PTPRG: variants seen among roughly 807,000 people sequenced by gnomAD.
PTPRG encodes receptor-type tyrosine-protein phosphatase gamma.
A neutral mutation model predicts 165.3 loss-of-function variants in PTPRG; 102 were observed. The ratio of observed to expected loss-of-function variants is 0.62; its 90% CI spans 0.53 to 0.73. PTPRG has a LOEUF of 0.73. PTPRG is among the 30% of genes least tolerant of loss of function. PTPRG has a pLI of 0.00. For missense variants in PTPRG, 1,866 were observed against 1,861.4 expected, an observed-to-expected ratio of 1.00 and a Z score of -0.05; for synonymous variants, 675 against 669.5, an observed-to-expected ratio of 1.01 and a Z score of -0.13.
intron 2 of PTPRG, among the ~76,000 whole-genome samples, chr3:61,807,163 G>C (rs756157882): frequency 1.3e-5 from 2 of 152,034 alleles, no homozygotes; most frequent in African/African-American, 4.8e-5. Flanking sequence ...TTTCTGAGAC[G>C]ACTTGTAAAT....
intron 1 of PTPRG, among the ~76,000 whole-genome samples, chr3:61,702,667 C>T (rs2031034264): frequency 6.6e-6 from 1 of 152,220 alleles, no homozygotes; most frequent in Non-Finnish European, 1.5e-5. Context: ...CCAGGCACAT[C>T]TGTCATTTTT....
intron 1 of PTPRG, among the ~76,000 whole-genome samples, chr3:61,659,022 A>C (rs564696430): frequency 6.6e-6 from 1 of 151,416 alleles, no homozygotes; most frequent in African/African-American, 2.4e-5. Flanking sequence ...TAGGAGCATG[A>C]GTTCGGCTGT....
intron 2 of PTPRG, among the ~76,000 whole-genome samples, chr3:61,755,310 A>G (rs71296737): frequency 6.6e-6 from 1 of 152,066 alleles, no homozygotes; most frequent in African/African-American, 2.4e-5. Flanking sequence ...GCCCAGCCCT[A>G]ATAGAGACCT....
intron 10 of PTPRG, 36 bp from the exon 11 acceptor site, chr3:62,201,469 G>A (rs1175283204): frequency 1.3e-6 from 2 of 1,562,264 alleles, no homozygotes; most frequent in Non-Finnish European, 1.7e-6. Flanking sequence ...CACAAAAAAA[G>A]TTATATTGCT....
At chr3:61,923,387 G>T (rs895691479) in intron 2 of PTPRG, among the ~76,000 whole-genome samples, 1 of 152,116 alleles carries the variant, frequency 6.6e-6, no homozygotes, top group African/African-American at 2.4e-5. Flanking sequence ...CCCAAAAGCA[G>T]ACACTCTTTT....
intron 2 of PTPRG, among the ~76,000 whole-genome samples, chr3:61,876,649 C>G (rs1344015010): frequency 6.6e-6 from 1 of 152,168 alleles, no homozygotes; most frequent in African/African-American, 2.4e-5. Flanking sequence ...TGGCTCACAT[C>G]TGTAATCCCA....
intron 4 of PTPRG, among the ~76,000 whole-genome samples, chr3:62,056,273 C>T (rs1046975822): frequency 5.3e-5 from 8 of 152,174 alleles, no homozygotes; most frequent in Admixed American, 2.0e-4. Context: ...TTATGTGCTT[C>T]GTTCTGTACA....
At chr3:61,899,783 A>G (rs568440068) in intron 2 of PTPRG, among the ~76,000 whole-genome samples, 11 of 152,184 alleles carry the variant, frequency 7.2e-5, no homozygotes, top group East Asian at 5.9e-4. Context: ...AATGGGGCCA[A>G]TGTGTCAGTG....
chr3:61,598,442 C>T (rs1700759633), intron 1 of PTPRG, among the ~76,000 whole-genome samples: 2 of 152,248 alleles, frequency 1.3e-5, no homozygotes, highest in African/African-American at 4.8e-5. Context: ...TGAGGTTGAG[C>T]GTCCTGTGCT....
intron 14 of PTPRG, among the ~76,000 whole-genome samples, chr3:62,238,115 G>T (rs961082572): frequency 5.3e-5 from 8 of 152,184 alleles, no homozygotes; most frequent in African/African-American, 1.9e-4. Context: ...GAACAGAGAC[G>T]CTCATTCGGT....
chr3:62,022,752 A>G (rs2041726982), intron 4 of PTPRG, among the ~76,000 whole-genome samples: 2 of 152,214 alleles, frequency 1.3e-5, no homozygotes, highest in Non-Finnish European at 2.9e-5. Flanking sequence ...ACCTCACAAC[A>G]GCTTAAGATA....
intron 2 of PTPRG, among the ~76,000 whole-genome samples, chr3:61,833,276 A>C (rs1401923222): frequency 1.3e-5 from 2 of 152,178 alleles, no homozygotes; most frequent in African/African-American, 4.8e-5. Flanking sequence ...TAATGCCCCC[A>C]ATTTTGCAGG....
chr3:62,008,856 G>A (rs2107733937), intron 4 of PTPRG, among the ~76,000 whole-genome samples: 1 of 152,288 alleles, frequency 6.6e-6, no homozygotes, highest in South Asian at 2.1e-4. Context: ...AGCTCAGGTG[G>A]TAATGCTCCT....
chr3:61,827,801 A>G (rs951519255), intron 2 of PTPRG, among the ~76,000 whole-genome samples: 35 of 152,210 alleles, frequency 2.3e-4, no homozygotes, highest in Admixed American at 2.2e-3. Context: ...TGGTGACCCT[A>G]TCCTGATACA....
At chr3:62,066,892 G>T (rs893476377) in intron 4 of PTPRG, among the ~76,000 whole-genome samples, 6 of 152,064 alleles carry the variant, frequency 3.9e-5, no homozygotes, top group Admixed American at 3.3e-4. Flanking sequence ...ACAATAATTA[G>T]CTGGATGTGG....
Position 62,190,085 on chromosome 3 carries a change from G to T in PTPRG, c.1034-1384G>T, listed in dbSNP as rs1699770512. On this transcript the variant is annotated intron_variant, in intron 8 of 29. Coordinates refer to ENST00000474889, the MANE Select transcript of PTPRG (RefSeq NM_002841.4). This position sits in a 1 kb window ranked among gnomAD's most constrained non-coding sequence, Gnocchi z 5.2. ...CCTCCATCCTGTCCTGGCGTGCAGT[G>T]ATGGCTCTGCGCATGGGATTCTTTG... 6.6e-6 allele frequency among the ~76,000 whole-genome samples: 1 copy of T among 152,170 alleles called. No individual in the cohort carries two copies. The highest frequency in any genetic ancestry group is 1.5e-5 in the Non-Finnish European group (1 of 68,042).
chr3:61,732,202 A>G (rs1191555688), intron 1 of PTPRG, among the ~76,000 whole-genome samples: 1 of 152,184 alleles, frequency 6.6e-6, no homozygotes, highest in Non-Finnish European at 1.5e-5. Flanking sequence ...TATATCTAAA[A>G]TGTCATTTTG....
intron 2 of PTPRG, among the ~76,000 whole-genome samples, chr3:61,969,692 C>A (rs1249997159): frequency 6.6e-6 from 1 of 152,036 alleles, no homozygotes; most frequent in African/African-American, 2.4e-5. Context: ...GTGCATGGAC[C>A]CTGGTGTGCA....
intron 1 of PTPRG, among the ~76,000 whole-genome samples, chr3:61,598,427 G>A (rs1700759362): frequency 6.6e-6 from 1 of 152,164 alleles, no homozygotes; most frequent in Non-Finnish European, 1.5e-5. Flanking sequence ...CTCTGAACTA[G>A]GATGTGAGGT....
Sources: gnomAD v4.1 joint callset for allele counts (sites outside exome capture counted in the v4.1 genomes callset) on GRCh38, gnomAD v4.1.1 for gene constraint, Gnocchi (gnomAD v3.1) non-coding constraint, MANE v1.5 for transcripts, NCBI Gene and HGNC (gene_info 2026-07-23, HGNC 2026-07-21) for gene names.